The following SNTG2 variants were observed in gnomAD, a reference collection of about 807,000 sequenced individuals.
SNTG2 encodes the protein syntrophin gamma 2, also known as gamma-2-syntrophin.
SNTG2 carries 74 observed loss-of-function variants against 70.9 expected under a neutral mutation model. The ratio of observed to expected loss-of-function variants is 1.04; its 90% confidence interval spans 0.86 to 1.27. The LOEUF is 1.27. Ranked by LOEUF, SNTG2 falls within the 50% of genes most tolerant of loss-of-function variation. The probability of loss-of-function intolerance (pLI) is 0.00; values close to 1 mark genes in which losing one functional copy is unlikely to be tolerated. For missense variants in SNTG2, 717 were observed against 690.7 expected, an observed-to-expected ratio of 1.04 and a Z score of -0.43; for synonymous variants, 278 against 273.8, an observed-to-expected ratio of 1.02 and a Z score of -0.15.
intron 8 of SNTG2, among the ~76,000 whole-genome samples, chr2:1,180,299 A>C (rs77646145): frequency 2.2e-5 from 3 of 136,500 alleles, no homozygotes; most frequent in African/African-American, 2.6e-5. Context: ...AATGGGAGAA[A>C]ATTTTTGCAA....
intron 4 of SNTG2, among the ~76,000 whole-genome samples, chr2:1,111,763 T>C (rs1275344520): frequency 6.6e-6 from 1 of 152,258 alleles, no homozygotes; most frequent in Non-Finnish European, 1.5e-5. Flanking sequence ...CTAAGTGAGG[T>C]TTAACCCTTA....
In SNTG2 at chr2:1,259,457, A is replaced by C; in HGVS notation, c.1077+16A>C. 6.2e-7 allele frequency: 1 copy of C among 1,605,358 alleles called. No homozygotes were observed. The highest frequency in any genetic ancestry group is 1.1e-5 in the South Asian group (1 of 90,794). ...AGTTCACAAGGTAGGTATCTTTTGC[A>C]CTTCAGATGCTTTCATACAAATAAG... On this transcript the variant is annotated intron_variant, in intron 13 of 16. Coordinates refer to ENST00000308624, the MANE Select transcript of SNTG2 (RefSeq NM_018968.4).
intron 1 of SNTG2, among the ~76,000 whole-genome samples, chr2:988,480 T>C (rs1418554999): frequency 6.6e-6 from 1 of 152,224 alleles, no homozygotes; most frequent in Non-Finnish European, 1.5e-5. Context: ...CTTATCGCAA[T>C]GCTTCCAAAA....
At chr2:1,225,589 A>G (rs1021231600) in intron 9 of SNTG2, among the ~76,000 whole-genome samples, 2 of 152,160 alleles carry the variant, frequency 1.3e-5, no homozygotes, top group East Asian at 1.9e-4. Flanking sequence ...TACGGTTGGC[A>G]GGAAACATTG....
chr2:1,100,929 G>C (rs1365598239), intron 4 of SNTG2, among the ~76,000 whole-genome samples: 3 of 150,214 alleles, frequency 2.0e-5, no homozygotes, highest in Non-Finnish European at 4.5e-5. Flanking sequence ...CCTGGAGTGT[G>C]AACGTGACCC....
rs535241279 is a variant in SNTG2 at position 1,348,960 on chromosome 2, A to G, written c.1489-18383A>G. Among the ~76,000 whole-genome samples, 3 of 152,376 alleles carry G rather than the reference A, an allele frequency of 2.0e-5. No homozygotes were observed. In the East Asian group the frequency reaches 5.8e-4, roughly 29 times the overall value. On this transcript the variant is annotated intron_variant, in intron 16 of 16. Coordinates refer to ENST00000308624, the MANE Select transcript of SNTG2 (RefSeq NM_018968.4). ...TCTTGACTGATGCACAAAACAGCCA[A>G]TACAATGAGACAGCATGTGTTACAG...
At chr2:1,280,256 G>A (rs982717067) in intron 14 of SNTG2, among the ~76,000 whole-genome samples, 6 of 152,082 alleles carry the variant, frequency 3.9e-5, no homozygotes, top group African/African-American at 1.4e-4. Flanking sequence ...GATTTATGGG[G>A]TCATTAAAAG....
chr2:1,097,713 G>T lies in SNTG2; in HGVS notation c.211-483G>T, dbSNP rs111595159. ...CTGTGGTCAGAGGACGTGAAAAAAT[G>T]GATCATTCATGAATTAATATTGGTT... On this transcript the variant is annotated intron_variant, in intron 2 of 16. Coordinates refer to ENST00000308624, the MANE Select transcript of SNTG2 (RefSeq NM_018968.4). The surrounding 1 kb of genome is among the most constrained non-coding windows in gnomAD (Gnocchi z 4.1). 2.3e-3 allele frequency among the ~76,000 whole-genome samples: 345 copies of T among 152,136 alleles called. No individual in the cohort carries two copies. Among genetic ancestry groups the T allele is most frequent in the African/African-American group, 8.0e-3 (331 of 41,516 alleles).
chr2:1,230,306 G>A lies in SNTG2; in HGVS notation c.720-7582G>A, dbSNP rs566579499. Among the ~76,000 whole-genome samples, 42 of 152,344 alleles carry A rather than the reference G, an allele frequency of 2.8e-4. No individual in the cohort carries two copies. In the East Asian group the frequency reaches 4.2e-3, roughly 15 times the overall value. On this transcript the variant is annotated intron_variant, in intron 9 of 16. Transcript: ENST00000308624. Reference sequence around the variant, plus strand: ...AGACACAATTTTATAAACAGATGGCGCGGGCAGCCAGGATCAGAGGGACGG... The same window carrying A: ...AGACACAATTTTATAAACAGATGGCACGGGCAGCCAGGATCAGAGGGACGG...
intron 2 of SNTG2, among the ~76,000 whole-genome samples, chr2:1,090,882 A>G (rs1453664320): frequency 6.6e-6 from 1 of 152,194 alleles, no homozygotes; most frequent in African/African-American, 2.4e-5. Context: ...CCACTTGCCC[A>G]GCTCCTGAGA....
At chr2:1,364,210 A>G (rs66653814) in intron 16 of SNTG2, among the ~76,000 whole-genome samples, 108,735 of 150,542 alleles carry the variant, frequency 0.72, 39,563 homozygotes, top group East Asian at 0.94. Flanking sequence ...TCAAACTCCT[A>G]ACTTCAGGTG....
At chr2:1,270,340 AATTAT>A (rs1387536218) in intron 14 of SNTG2, among the ~76,000 whole-genome samples, 2 of 152,206 alleles carry the variant, frequency 1.3e-5, no homozygotes, top group Non-Finnish European at 2.9e-5. Context: ...GTACTTATAA[AATTAT>A]ATTACATTTA....
At chr2:1,134,762 C>T (rs111978983) in intron 4 of SNTG2, among the ~76,000 whole-genome samples, 129 of 152,272 alleles carry the variant, frequency 8.5e-4, no homozygotes, top group African/African-American at 2.7e-3. Flanking sequence ...GGACTGGGCA[C>T]GGTGGAGCAG....
intron 4 of SNTG2, among the ~76,000 whole-genome samples, chr2:1,104,993 A>G (rs1666021992): frequency 6.6e-6 from 1 of 152,198 alleles, no homozygotes; most frequent in Non-Finnish European, 1.5e-5. Context: ...CGGGAAGGAA[A>G]GCCTTCATGG....
chr2:1,340,387 G>C (rs1262985757), intron 16 of SNTG2, among the ~76,000 whole-genome samples: 1 of 152,240 alleles, frequency 6.6e-6, no homozygotes, highest in Non-Finnish European at 1.5e-5. Context: ...TTCCAGGATA[G>C]AAAGGGCAAA....
At position 1,209,110 on chromosome 2, in the gene SNTG2, C is replaced by A; in HGVS notation, c.599C>A (p.Ser200Ter). The A allele has an allele frequency of 1.9e-6, 3 of 1,613,758 alleles. No homozygotes were observed. Among genetic ancestry groups the A allele is most frequent in the Non-Finnish European group, 2.5e-6 (3 of 1,179,866 alleles). ...LNGNSSTTAP[S>*]SPSSPIAKDP... is the part of the protein sequence containing the mutation. Reference sequence around the variant, plus strand: ...CTCCTTTCTTCTGTACAGGCCCCATCGTCACCTTCCTCGCCCATAGCTAAG... The same window carrying A: ...CTCCTTTCTTCTGTACAGGCCCCATAGTCACCTTCCTCGCCCATAGCTAAG... The change falls in exon 9 of 17, where the codon TCG (serine) becomes TAG (stop). Residue 200 changes from serine to a stop codon, truncating the protein, a stop_gained. Transcript: ENST00000308624. LOFTEE classifies it high-confidence loss of function.
chr2:1,236,077 C>T (rs904839087), intron 9 of SNTG2, among the ~76,000 whole-genome samples: 1 of 152,146 alleles, frequency 6.6e-6, no homozygotes, highest in East Asian at 1.9e-4. Context: ...GTTTATTAAC[C>T]ACTAGATTAA....
chr2:1,075,085 C>T (rs1280827618), intron 1 of SNTG2, among the ~76,000 whole-genome samples: 2 of 152,102 alleles, frequency 1.3e-5, no homozygotes, highest in Non-Finnish European at 2.9e-5. Context: ...TTACAGGTGC[C>T]AAGAATAATG....
intron 14 of SNTG2, among the ~76,000 whole-genome samples, chr2:1,293,700 A>C (rs1208928587): frequency 7.1e-6 from 1 of 141,250 alleles, no homozygotes; most frequent in Admixed American, 6.8e-5. Context: ...CAATAAGTTC[A>C]AAAAAAAAAG....
Sources: allele counts gnomAD v4.1 joint callset (sites outside exome capture counted in the v4.1 genomes callset), GRCh38; gene constraint gnomAD v4.1.1; non-coding constraint Gnocchi (gnomAD v3.1); transcripts MANE v1.5; gene names NCBI Gene and HGNC (gene_info 2026-07-23, HGNC 2026-07-21).